The following ANKFN1 variants were observed in gnomAD, a reference collection of about 807,000 sequenced individuals.
The protein encoded by ANKFN1 is ankyrin repeat and fibronectin type-III domain-containing protein 1.
ANKFN1 carries 74 observed loss-of-function variants against 108.7 expected under a neutral mutation model. The ratio of observed to expected loss-of-function variants is 0.68; its 90% CI spans 0.56 to 0.83. The LOEUF (loss-of-function observed/expected upper bound fraction) is 0.83. Ranked by LOEUF, ANKFN1 falls within the 40% of genes least tolerant of loss-of-function variation. The pLI is 0.00. For synonymous variants in ANKFN1, 547 were observed against 516.2 expected (o/e 1.06, Z -0.81); for missense variants, 1,505 against 1,382.3 (o/e 1.09, Z -1.41).
chr17:56,298,684 T>C (rs2044586707), intron 3 of ANKFN1, among the ~76,000 whole-genome samples: 1 of 148,778 alleles, frequency 6.7e-6, no homozygotes, highest in East Asian at 2.0e-4. Flanking sequence ...TTTCTTTATA[T>C]ATATAGAGAG....
At chr17:56,501,728 C>T (rs936326802) in intron 20 of ANKFN1, among the ~76,000 whole-genome samples, 3 of 152,036 alleles carry the variant, frequency 2.0e-5, no homozygotes, top group Non-Finnish European at 2.9e-5. Context: ...GAAGAGGAGA[C>T]TGTGGAAGGA....
At chr17:56,410,759 T>A (rs2048067201) in intron 8 of ANKFN1, among the ~76,000 whole-genome samples, 1 of 152,114 alleles carries the variant, frequency 6.6e-6, no homozygotes, top group South Asian at 2.1e-4. Context: ...TCTGCTTCAG[T>A]GAGATTTATT....
chr17:56,404,366 T>G lies in ANKFN1; in HGVS notation c.910+29652T>G, dbSNP rs141493087. On this transcript the variant is annotated intron_variant, in intron 8 of 20. Transcript: ENST00000682825. ...GGAGGCCTTGTTCATATTTTCTTATTCTTTTGTCTTTGTTAGATTAGGTTA... is the reference window on the plus strand; with the variant it reads ...GGAGGCCTTGTTCATATTTTCTTATGCTTTTGTCTTTGTTAGATTAGGTTA... Among the ~76,000 whole-genome samples, 597 of 152,284 alleles carry G rather than the reference T, an allele frequency of 3.9e-3. 2 individuals are homozygous for G. Among genetic ancestry groups the G allele is most frequent in the African/African-American group, 0.013 (533 of 41,568 alleles).
intron 18 of ANKFN1, among the ~76,000 whole-genome samples, chr17:56,486,663 T>C (rs2145396558): frequency 6.6e-6 from 1 of 152,302 alleles, no homozygotes; most frequent in East Asian, 1.9e-4. Flanking sequence ...ATTCTATTCA[T>C]AGGTAGTTAC....
chr17:56,280,869 G>A (rs577298656), intron 3 of ANKFN1, among the ~76,000 whole-genome samples: 3 of 152,300 alleles, frequency 2.0e-5, no homozygotes, highest in Non-Finnish European at 4.4e-5. Context: ...TTGTGGGAGG[G>A]ACCTAGTGGG....
chr17:56,467,802 GAAAGA>G (rs1568026450), intron 15 of ANKFN1, among the ~76,000 whole-genome samples: 72 of 31,214 alleles, frequency 2.3e-3, no homozygotes, highest in East Asian at 5.5e-3. Context: ...AAGAAAGAAA[GAAAGA>G]AAGAAAGAAA....
chr17:56,306,017 T>A (rs1036953684), intron 3 of ANKFN1, among the ~76,000 whole-genome samples: 6 of 152,198 alleles, frequency 3.9e-5, no homozygotes, highest in Non-Finnish European at 8.8e-5. Context: ...AATCTATATG[T>A]CTATCTCTCT....
rs563756794 is a variant in ANKFN1, at chr17:56,226,307, T to C, written c.13-1610T>C. Among the ~76,000 whole-genome samples, 7 of 152,230 alleles carry C rather than the reference T, an allele frequency of 4.6e-5. No individual in the cohort carries two copies. In the East Asian group the frequency reaches 1.2e-3, roughly 25 times the overall value. ...TATAGAATCCATCTAAGAAATTCAGTCCAATAAAAATGTATCAACCTCTTA... is the reference window on the plus strand; with the variant it reads ...TATAGAATCCATCTAAGAAATTCAGCCCAATAAAAATGTATCAACCTCTTA... On this transcript the variant is annotated intron_variant, in intron 2 of 20. Transcript: ENST00000682825.
rs183166901 is a variant in ANKFN1, at chr17:56,087,309, C to T, written c.288+40984C>T. Among the ~76,000 whole-genome samples, 9 of 151,542 alleles carry T rather than the reference C, an allele frequency of 5.9e-5. 1 individual carries two copies. In the East Asian group the frequency reaches 1.7e-3, roughly 29 times the overall value. On this transcript the variant is annotated intron_variant, in intron 4 of 12. Coordinates refer to the ANKFN1 transcript ENST00000635860. Reference sequence around the variant, plus strand: ...AAGGGCACTGTGGGCTACACAGTAACTCTTCACTCTTAGAAGGGAAGTGAC... The same window carrying T: ...AAGGGCACTGTGGGCTACACAGTAATTCTTCACTCTTAGAAGGGAAGTGAC...
At chr17:56,137,372 G>C (rs1287082930) in intron 4 of ANKFN1, among the ~76,000 whole-genome samples, 2 of 152,174 alleles carry the variant, frequency 1.3e-5, no homozygotes, top group Non-Finnish European at 2.9e-5. Context: ...TCTCAGCAAT[G>C]CTAAAGAAGT....
At chr17:56,412,267 A>G (rs1201121565) in intron 8 of ANKFN1, among the ~76,000 whole-genome samples, 1 of 152,152 alleles carries the variant, frequency 6.6e-6, no homozygotes, top group East Asian at 1.9e-4. Context: ...TTCTTGGACT[A>G]TAGTTGTTCA....
chr17:56,372,995 G>T (rs1475937488), intron 7 of ANKFN1, among the ~76,000 whole-genome samples, 155 bp downstream of exon 7: 1 of 152,126 alleles, frequency 6.6e-6, no homozygotes, highest in Non-Finnish European at 1.5e-5. Flanking sequence ...GGCTGTCAAA[G>T]GGTCTTTTAT....
intron 1 of ANKFN1, among the ~76,000 whole-genome samples, chr17:56,208,574 C>T (rs750095103): frequency 1.3e-5 from 2 of 152,156 alleles, no homozygotes; most frequent in Non-Finnish European, 2.9e-5. Flanking sequence ...AGAAGATTAC[C>T]TGCATGCAGT....
At chr17:56,272,835 T>C (rs906196169) in intron 3 of ANKFN1, among the ~76,000 whole-genome samples, 5 of 152,160 alleles carry the variant, frequency 3.3e-5, no homozygotes, top group Non-Finnish European at 7.3e-5. Context: ...AGGAGGGAAA[T>C]GCAATGAGTG....
intron 2 of ANKFN1, among the ~76,000 whole-genome samples, chr17:56,220,661 A>G (rs955256212): frequency 6.6e-6 from 1 of 151,282 alleles, no homozygotes; most frequent in Non-Finnish European, 1.5e-5. Flanking sequence ...ATCTAAAAAG[A>G]AAGAAAGAAA....
intron 4 of ANKFN1, among the ~76,000 whole-genome samples, chr17:56,113,750 G>A (rs1906106098): frequency 6.6e-6 from 1 of 152,138 alleles, no homozygotes; most frequent in Non-Finnish European, 1.5e-5. Context: ...TATTACTATT[G>A]TTATCATAAG....
intron 1 of ANKFN1, among the ~76,000 whole-genome samples, chr17:56,208,516 AAGCCAGTGCCTT>A (rs1440556450): frequency 6.6e-6 from 1 of 152,148 alleles, no homozygotes; most frequent in Non-Finnish European, 1.5e-5. Context: ...CCTAGGGGTA[AAGCCAGTGCCTT>A]AGTCTGTCTA....
chr17:56,210,864 G>A (rs572895291), intron 1 of ANKFN1, among the ~76,000 whole-genome samples: 1 of 152,238 alleles, frequency 6.6e-6, no homozygotes, highest in Admixed American at 6.5e-5. Context: ...ACAGCATGGG[G>A]GAAACCGCCC....
At chr17:56,357,890 T>A (rs185283183) in intron 6 of ANKFN1, among the ~76,000 whole-genome samples, 2 of 152,292 alleles carry the variant, frequency 1.3e-5, no homozygotes, top group African/African-American at 4.8e-5. Context: ...ACAACTGGCT[T>A]GTGAGGGAGA....
Sources: allele counts gnomAD v4.1 joint callset (sites outside exome capture counted in the v4.1 genomes callset), GRCh38; gene constraint gnomAD v4.1.1; transcripts MANE v1.5; gene names NCBI Gene and HGNC (gene_info 2026-07-23, HGNC 2026-07-21).